Variants in TNFRSF14 observed in about 807,000 individuals in gnomAD.
The protein encoded by TNFRSF14 is TNF receptor superfamily member 14, also known as tumor necrosis factor receptor superfamily member 14.
Under a neutral mutation model 34.1 loss-of-function variants are expected in TNFRSF14, and 18 were observed. The ratio of observed to expected loss-of-function variants is 0.53; its 90% CI spans 0.36 to 0.78. The LOEUF is 0.78. Among genes scored for constraint, TNFRSF14 ranks in the 30% least tolerant of loss-of-function variants. The probability of loss-of-function intolerance (pLI) is 0.00; values close to 1 mark genes in which losing one functional copy is unlikely to be tolerated. For synonymous variants in TNFRSF14, 157 were observed against 153.2 expected (o/e 1.02, Z -0.18); for missense variants, 352 against 379.5 (o/e 0.93, Z 0.60).
At chr1:2,557,256 G>C (rs1014099377) in intron 1 of TNFRSF14, among the ~76,000 whole-genome samples, 1 of 152,240 alleles carries the variant, frequency 6.6e-6, no homozygotes, top group South Asian at 2.1e-4. Flanking sequence ...GCCCAGGAAC[G>C]AGGCCACGGC....
intron 6 of TNFRSF14, 28 bp from the exon 7 acceptor site, chr1:2,562,837 C>A (rs762505991): frequency 6.2e-7 from 1 of 1,613,970 alleles, no homozygotes; most frequent in Admixed American, 1.7e-5. Flanking sequence ...CACTGCCCCT[C>A]CCTGACCTGT....
rs775169589 is a variant in TNFRSF14, at chr1:2,563,277, A to G, written c.*4A>G. The G allele has an allele frequency of 1.2e-6, 2 of 1,613,102 alleles. No homozygotes were observed. Among genetic ancestry groups the G allele is most frequent in the Non-Finnish European group, 1.7e-6 (2 of 1,179,720 alleles). ...GGGGAGGAGCCCAAACCACTGACCC[A>G]CAGACTCTGCACCCCGACGCCAGAG... On this transcript the variant is annotated 3_prime_UTR_variant, in exon 8 of 8. Coordinates refer to ENST00000355716, the MANE Select transcript of TNFRSF14 (RefSeq NM_003820.4).
chr1:2,558,996 C>T (rs377287897), intron 3 of TNFRSF14: 93 of 1,367,236 alleles, frequency 6.8e-5, no homozygotes, highest in East Asian at 3.5e-5. Context: ...AGTCACTGAG[C>T]GCAGAGCCTG....
chr1:2,557,512 AG>A (rs1257799123), intron 1 of TNFRSF14, among the ~76,000 whole-genome samples: 1 of 152,028 alleles, frequency 6.6e-6, no homozygotes. Context: ...CAGCGTCATC[AG>A]GGCTGGAGGA....
At position 2,561,262 on chromosome 1, in the gene TNFRSF14, G is replaced by A. The variant is rs1036667803; in HGVS notation, c.552-411G>A. The A allele has an allele frequency of 1.8e-5, 9 of 496,714 alleles. No individual in the cohort carries two copies. The highest frequency in any genetic ancestry group is 1.1e-4 in the Admixed American group (3 of 27,468). 30.8% of individuals were successfully genotyped at this position (496,714 alleles called of 1,614,324 possible). A position where few individuals can be genotyped will look rare whatever the true frequency, so the allele number is the denominator to read the frequency against. ...CCTTCCATCCTGCTCTGCCCTCCTC[G>A]TCCTCTGGCCCCAGCTCAGTCCTGT... On this transcript the variant is annotated intron_variant, in intron 5 of 7. Transcript: ENST00000355716. This position sits in a 1 kb window ranked among gnomAD's most constrained non-coding sequence, Gnocchi z 6.0.
At chr1:2,558,653 C>A in intron 3 of TNFRSF14, 185 bp downstream of exon 3, 1 of 1,237,394 alleles carries the variant, frequency 8.1e-7, no homozygotes, top group Non-Finnish European at 1.1e-6. Context: ...GGCCCCCGTC[C>A]ACCTCTGTCT....
chr1:2,556,294 C>T (rs1323753245), upstream of TNFRSF14: 4 of 568,464 alleles, frequency 7.0e-6, no homozygotes, highest in Non-Finnish European at 1.3e-5. Context: ...TGGGGGGCTC[C>T]CCCTTCTACA....
upstream of TNFRSF14, chr1:2,555,589 G>C (rs1208815905): frequency 6.5e-6 from 1 of 153,058 alleles, no homozygotes; most frequent in African/African-American, 2.4e-5. This position sits in a 1 kb window ranked among gnomAD's most constrained non-coding sequence, Gnocchi z 6.3. Flanking sequence ...AGATGGGCTT[G>C]CTGGAGGTGG....
At chr1:2,560,364 C>T (rs989702374) in intron 4 of TNFRSF14, among the ~76,000 whole-genome samples, 1 of 152,150 alleles carries the variant, frequency 6.6e-6, no homozygotes, top group South Asian at 2.1e-4. Flanking sequence ...GGCCGGGCAG[C>T]CCCCGCAGCA....
chr1:2,563,577 G>T lies in TNFRSF14; in HGVS notation c.*304G>T. The T allele has an allele frequency of 2.5e-6, 1 of 392,364 alleles. No individual in the cohort carries two copies. The highest frequency in any genetic ancestry group is 4.6e-6 in the Non-Finnish European group (1 of 215,850). 24.3% of individuals were successfully genotyped at this position (392,364 alleles called of 1,614,324 possible). ...CAGACCACACACCCAGCCCTCCTGG[G>T]CCAGCCCAGAGGGCCCTTCAGACCC... On this transcript the variant is annotated 3_prime_UTR_variant, in exon 8 of 8. Transcript: ENST00000355716.
rs139191757 is a variant in TNFRSF14 at position 2,562,912 on chromosome 1, C to T, written c.726+16C>T. 5 of 1,611,094 alleles carry T rather than the reference C, an allele frequency of 3.1e-6. No individual in the cohort carries two copies. The African/African-American group carries it at 6.7e-5, about 21-fold the overall frequency. ...CTCCGTCCAGGTATTGATCCTCCTC[C>T]CCCTCTCCCTCCCCCCTCCACCTTC... On this transcript the variant is annotated intron_variant, in intron 7 of 7. Transcript: ENST00000355716.
At chr1:2,557,468 A>C (rs946357778) in intron 1 of TNFRSF14, among the ~76,000 whole-genome samples, 1 of 152,088 alleles carries the variant, frequency 6.6e-6, no homozygotes, top group Non-Finnish European at 1.5e-5. Context: ...TGGCGAGGGC[A>C]GAGTTCCAGT....
At chr1:2,554,401 C>T (rs1254500081), upstream of TNFRSF14, 3 of 152,644 alleles carry the variant, frequency 2.0e-5, no homozygotes, top group African/African-American at 4.8e-5. The surrounding 1 kb of genome is among the most constrained non-coding windows in gnomAD (Gnocchi z 4.2). Flanking sequence ...ACACCCTGGA[C>T]CCCTGGAGTC....
At chr1:2,560,316 G>A (rs1185752065) in intron 4 of TNFRSF14, among the ~76,000 whole-genome samples, 1 of 152,156 alleles carries the variant, frequency 6.6e-6, no homozygotes, top group African/African-American at 2.4e-5. Flanking sequence ...TTCAAGCTAA[G>A]TCTAGGAGGA....
intron 6 of TNFRSF14, chr1:2,562,145 C>G (rs1204767334): frequency 2.5e-6 from 1 of 401,896 alleles, no homozygotes; most frequent in Non-Finnish European, 4.5e-6. Flanking sequence ...AAGCTCTGGG[C>G]TGAGGGTCAA....
chr1:2,560,107 C>T, intron 4 of TNFRSF14, 129 bp downstream of exon 4: 2 of 1,330,552 alleles, frequency 1.5e-6, no homozygotes, highest in Admixed American at 2.8e-5. Context: ...CCTTGGCCAG[C>T]CCCAGGCCCA....
At chr1:2,560,583 C>A in intron 4 of TNFRSF14, 41 bp from the exon 5 acceptor site, 1 of 1,542,750 alleles carries the variant, frequency 6.5e-7, no homozygotes, top group Non-Finnish European at 8.9e-7. Context: ...CCCTCCTGGC[C>A]TGGTGCCCTC....
In TNFRSF14 at chr1:2,562,909, C is replaced by T. The variant is rs761310764; in HGVS notation, c.726+13C>T. 3.3e-5 allele frequency: 53 copies of T among 1,611,440 alleles called. No homozygotes were observed. The highest frequency in any genetic ancestry group is 4.2e-5 in the Non-Finnish European group (50 of 1,177,956). ...CGTCTCCGTCCAGGTATTGATCCTC[C>T]TCCCCCTCTCCCTCCCCCCTCCACC... On this transcript the variant is annotated intron_variant, in intron 7 of 7. Coordinates refer to ENST00000355716, the MANE Select transcript of TNFRSF14 (RefSeq NM_003820.4).
intron 6 of TNFRSF14, chr1:2,562,635 C>T (rs921456700): frequency 5.5e-5 from 34 of 618,372 alleles, no homozygotes; most frequent in African/African-American, 1.1e-4. Context: ...GGAGGTGGGC[C>T]GGGCGCCCCC....
Sources: gnomAD v4.1 joint callset for allele counts (sites outside exome capture counted in the v4.1 genomes callset) on GRCh38, gnomAD v4.1.1 for gene constraint, Gnocchi (gnomAD v3.1) non-coding constraint, MANE v1.5 for transcripts, NCBI Gene and HGNC (gene_info 2026-07-23, HGNC 2026-07-21) for gene names.